CCM2: variants seen among roughly 807,000 people sequenced by gnomAD.
CCM2 encodes the protein cerebral cavernous malformations 2 protein.
Under a neutral mutation model 44.9 loss-of-function variants are expected in CCM2, and 25 were observed. The ratio of observed to expected loss-of-function variants is 0.56; its 90% CI spans 0.41 to 0.78. The LOEUF (loss-of-function observed/expected upper bound fraction) is 0.78. Among genes scored for constraint, CCM2 ranks in the 30% least tolerant of loss-of-function variants. The probability of loss-of-function intolerance (pLI) is 0.00; values close to 1 mark genes in which losing one functional copy is unlikely to be tolerated. For missense variants in CCM2, 481 were observed against 580.6 expected, an observed-to-expected ratio of 0.83 and a Z score of 1.76; for synonymous variants, 219 against 241.1, an observed-to-expected ratio of 0.91 and a Z score of 0.85.
chr7:45,021,817 G>A (rs959379924), intron 1 of CCM2, among the ~76,000 whole-genome samples: 9 of 152,124 alleles, frequency 5.9e-5, no homozygotes, highest in African/African-American at 1.9e-4. Flanking sequence ...GTTGCCTTGC[G>A]TGGCTGTGAC....
chr7:45,025,760 C>G (rs1796663220), intron 1 of CCM2, among the ~76,000 whole-genome samples: 1 of 152,226 alleles, frequency 6.6e-6, no homozygotes, highest in South Asian at 2.1e-4. Context: ...TCTCAAACTT[C>G]TAACCTCAGG....
chr7:45,001,423 G>T (rs1484249039), intron 1 of CCM2, among the ~76,000 whole-genome samples: 1 of 152,258 alleles, frequency 6.6e-6, no homozygotes, highest in Non-Finnish European at 1.5e-5. Flanking sequence ...CAGCCTGCAG[G>T]TGTTAGATTA....
At chr7:45,063,015 G>C (rs1199951769) in intron 2 of CCM2, 1 of 151,948 alleles carries the variant, frequency 6.6e-6, no homozygotes, top group Non-Finnish European at 1.5e-5. Flanking sequence ...CCTCTCCCAG[G>C]ATAACAGCAT....
At chr7:45,036,893 TG>T (rs1797245316) in intron 1 of CCM2, among the ~76,000 whole-genome samples, 1 of 152,148 alleles carries the variant, frequency 6.6e-6, no homozygotes, top group South Asian at 2.1e-4. Context: ...ATCTGTGCAC[TG>T]GGTCACCCTA....
intron 1 of CCM2, among the ~76,000 whole-genome samples, chr7:45,018,986 C>G (rs1796373807): frequency 6.6e-6 from 1 of 151,284 alleles, no homozygotes; most frequent in African/African-American, 2.4e-5. Flanking sequence ...TCTCGAACTC[C>G]TGACCTCAGA....
intron 1 of CCM2, among the ~76,000 whole-genome samples, chr7:45,037,808 A>G (rs1477579929): frequency 6.6e-6 from 1 of 152,170 alleles, no homozygotes; most frequent in Admixed American, 6.5e-5. Context: ...TTGCATAAAA[A>G]ACATATGCTC....
At chr7:45,061,296 T>C (rs1370958712) in intron 2 of CCM2, among the ~76,000 whole-genome samples, 1 of 152,086 alleles carries the variant, frequency 6.6e-6, no homozygotes, top group African/African-American at 2.4e-5. Flanking sequence ...GTTTTGTTTT[T>C]TTCCTCCCCC....
At chr7:45,029,193 C>T (rs1796840251) in intron 1 of CCM2, among the ~76,000 whole-genome samples, 1 of 152,054 alleles carries the variant, frequency 6.6e-6, no homozygotes, top group Admixed American at 6.6e-5. Flanking sequence ...CTTCTACAGC[C>T]CCAGTGTCTG....
intron 1 of CCM2, among the ~76,000 whole-genome samples, chr7:45,001,721 C>T (rs1795641784): frequency 6.6e-6 from 1 of 151,906 alleles, no homozygotes. Context: ...CTAGAGCTGT[C>T]TATCAGCTTT....
intron 2 of CCM2, among the ~76,000 whole-genome samples, chr7:45,061,456 CTTT>C (rs57140747): frequency 8.2e-6 from 1 of 122,284 alleles, no homozygotes; most frequent in African/African-American, 3.1e-5. Context: ...TTCTTTCTTT[CTTT>C]TTTTTTTTTT....
chr7:45,071,726 A>T, intron 6 of CCM2: 1 of 456,526 alleles, frequency 2.2e-6, no homozygotes, highest in Non-Finnish European at 4.4e-6. Flanking sequence ...GCCTTGGCTC[A>T]TGGCCCTTCC....
chr7:45,003,917 C>T (rs1257676732), intron 1 of CCM2, among the ~76,000 whole-genome samples: 2 of 152,128 alleles, frequency 1.3e-5, no homozygotes, highest in African/African-American at 4.8e-5. Context: ...GTAGTGGCTA[C>T]GCCTGTAATC....
At position 45,076,093 on chromosome 7, in the gene CCM2, G is replaced by T; in HGVS notation, c.*36G>T. ...ATGGGGGGGCACCCACACCTTCCGC[G>T]CAGTCGTCATAGGCCTTCCCAGAAG... is the stretch of plus-strand genomic sequence containing the variant. On this transcript the variant is annotated 3_prime_UTR_variant, in exon 10 of 10. Coordinates refer to ENST00000258781, the MANE Select transcript of CCM2 (RefSeq NM_031443.4). 6.2e-7 allele frequency: 1 copy of T among 1,611,646 alleles called. No homozygotes were observed. The highest frequency in any genetic ancestry group is 8.5e-7 in the Non-Finnish European group (1 of 1,179,848).
At chr7:45,009,886 T>C (rs1158406776) in intron 1 of CCM2, among the ~76,000 whole-genome samples, 1 of 152,116 alleles carries the variant, frequency 6.6e-6, no homozygotes, top group African/African-American at 2.4e-5. Flanking sequence ...TCTTTTGATG[T>C]AAAATTATGT....
chr7:45,073,403 G>T lies in CCM2; in HGVS notation c.804-57G>T. ...CGGCATGGACTAGGTTTCCTGAAAC[G>T]TGTGTGGGATGGAGGGTCGGGGAAG... On this transcript the variant is annotated intron_variant, in intron 7 of 9. Transcript: ENST00000258781. The T allele has an allele frequency of 5.1e-6, 6 of 1,178,768 alleles. No homozygotes were observed. In the South Asian group the frequency reaches 7.4e-5, roughly 15 times the overall value. The allele number at this position is 1,178,768 out of a possible 1,614,324, so 73.0% of individuals were successfully genotyped here.
At chr7:45,014,416 G>C (rs7796455) in intron 1 of CCM2, among the ~76,000 whole-genome samples, 48,423 of 151,916 alleles carry the variant, frequency 0.32, 8,200 homozygotes, top group East Asian at 0.63. Context: ...TGGGATTACA[G>C]GCATGAACCA....
chr7:45,008,291 T>C (rs10951786), intron 1 of CCM2, among the ~76,000 whole-genome samples: 130,894 of 150,820 alleles, frequency 0.87, 57,118 homozygotes, highest in African/African-American at 0.96. Context: ...ACCCGCCTCG[T>C]CCTCCCGAAG....
chr7:45,018,383 A>C lies in CCM2; in HGVS notation c.30+18020A>C, dbSNP rs573796834. On this transcript the variant is annotated intron_variant, in intron 1 of 9. Transcript: ENST00000258781. ...TATTTATTTATTTATTTTGAGATAG[A>C]GTCTCGCTTTGTCACCCAGGCTGGA... 3.3e-5 allele frequency among the ~76,000 whole-genome samples: 5 copies of C among 152,138 alleles called. No homozygotes were observed. The South Asian group carries it at 1.0e-3, about 32-fold the overall frequency.
At chr7:45,055,689 A>G (rs767085995) in intron 2 of CCM2, among the ~76,000 whole-genome samples, 11 of 152,180 alleles carry the variant, frequency 7.2e-5, no homozygotes, top group Non-Finnish European at 1.5e-4. Context: ...CTCCATCTCA[A>G]AAAAAAGATT....
Sources: allele counts gnomAD v4.1 joint callset (sites outside exome capture counted in the v4.1 genomes callset), GRCh38; gene constraint gnomAD v4.1.1; transcripts MANE v1.5; gene names NCBI Gene and HGNC (gene_info 2026-07-23, HGNC 2026-07-21).